The following XPC variants were observed in gnomAD, a reference collection of about 807,000 sequenced individuals.
The protein encoded by XPC is XPC complex subunit, DNA damage recognition and repair factor.
XPC carries 76 observed loss-of-function variants against 95.8 expected under a neutral mutation model. That is an observed-to-expected ratio of 0.79 (90% CI 0.66 to 0.96). The LOEUF is 0.96. Among genes scored for constraint, XPC ranks in the 40% least tolerant of loss-of-function variants. The pLI, the probability that XPC is intolerant of heterozygous loss-of-function variation, is 0.00. For missense variants in XPC, 1,146 were observed against 1,179.8 expected (o/e 0.97, Z 0.42); for synonymous variants, 442 against 442.1 (o/e 1.00, Z 0.00).
Position 14,148,723 on chromosome 3 carries a change from C to T in XPC, c.2259G>A (p.Arg753=). The T allele has an allele frequency of 1.2e-6, 2 of 1,614,004 alleles. No individual in the cohort carries two copies. Among genetic ancestry groups the T allele is most frequent in the East Asian group, 2.2e-5 (1 of 44,878 alleles). ...PPVAVDGKVP[R]NEFGNVYLFL... ...AGAGGTACACATTCCCAAACTCGTT[C>T]CGGGGCACCTGTGTCGGGTGAGCAA... The change falls in exon 13 of 16, where the codon CGG becomes CGA. Residue 753 remains arginine (R), a synonymous_variant. Coordinates refer to ENST00000285021, the MANE Select transcript of XPC (RefSeq NM_004628.5).
chr3:14,175,960 T>C (rs188065413), intron 1 of XPC, among the ~76,000 whole-genome samples: 1 of 152,306 alleles, frequency 6.6e-6, no homozygotes. Flanking sequence ...CTTGGGTGCA[T>C]CTTTACCTCC....
chr3:14,154,833 AATAT>A (rs1383275575), intron 10 of XPC, among the ~76,000 whole-genome samples: 2 of 23,274 alleles, frequency 8.6e-5, no homozygotes, highest in Non-Finnish European at 1.6e-4. Context: ...TATATATATA[AATAT>A]ATATAATTTA....
Position 14,170,519 on chromosome 3 carries a change from G to A in XPC, c.331C>T (p.His111Tyr). ...TTCATGGTAGCCCCTCTCTTCAGATGGTGTGCCTTCTTGAGGTCACTTGGA... is the reference window on the plus strand; with the variant it reads ...TTCATGGTAGCCCCTCTCTTCAGATAGTGTGCCTTCTTGAGGTCACTTGGA... ...DFPSDLKKAH[H>Y]LKRGATMNED... Residue 111 changes from histidine to tyrosine, a missense_variant, in exon 3 of 16, where the codon CAT (histidine) becomes TAT (tyrosine). Transcript: ENST00000285021. 1 of 1,613,292 alleles carries A rather than the reference G, an allele frequency of 6.2e-7. No individual in the cohort carries two copies. Among genetic ancestry groups the A allele is most frequent in the Non-Finnish European group, 8.5e-7 (1 of 1,179,510 alleles).
intron 15 of XPC, 36 bp from the exon 16 acceptor site, chr3:14,146,195 G>A: frequency 6.4e-7 from 1 of 1,564,592 alleles, no homozygotes; most frequent in African/African-American, 1.4e-5. Context: ...ACACAGGCGA[G>A]GGTTAGTAAT....
rs770882253 is a variant in XPC, at chr3:14,159,575, C to T, written c.990+166G>A. The stretch of plus-strand genomic sequence containing the variant: ...ACGTGAAGTTCAGGCTGCTAGATAC[C>T]CACTCACATGCCCAAGTCTTCCCTA... On this transcript the variant is annotated intron_variant, in intron 8 of 15. Coordinates refer to ENST00000285021, the MANE Select transcript of XPC (RefSeq NM_004628.5). Among the ~76,000 whole-genome samples the T allele has an allele frequency of 1.4e-3, 208 of 152,192 alleles. 1 individual carries two copies. Among genetic ancestry groups the T allele is most frequent in the Non-Finnish European group, 2.4e-3 (165 of 68,032 alleles).
chr3:14,156,266 C>A (rs1695899431), intron 10 of XPC, 69 bp downstream of exon 10: 7 of 1,540,982 alleles, frequency 4.5e-6, no homozygotes, highest in Non-Finnish European at 5.2e-6. Context: ...GCAACCCTTG[C>A]CTAGGAAGAA....
intron 13 of XPC, 171 bp from the exon 14 acceptor site, chr3:14,148,172 G>A (rs1695526332): frequency 3.2e-6 from 2 of 615,554 alleles, no homozygotes; most frequent in Non-Finnish European, 5.6e-6. Flanking sequence ...GCCTGTGGAA[G>A]CTGGCACTGC....
At chr3:14,178,311 G>A (rs1431366683) in intron 1 of XPC, 155 bp downstream of exon 1, 2 of 817,574 alleles carry the variant, frequency 2.4e-6, no homozygotes, top group South Asian at 2.0e-5. Context: ...GGGACAGCGG[G>A]GAGGGCCGGC....
At chr3:14,165,279 T>G (rs908562167) in intron 6 of XPC, 149 bp downstream of exon 6, 5 of 1,103,552 alleles carry the variant, frequency 4.5e-6, no homozygotes, top group Non-Finnish European at 5.0e-6. Flanking sequence ...AGATCATACC[T>G]GGCATTTCTC....
chr3:14,167,219 G>A lies in XPC; in HGVS notation c.571C>T (p.Arg191Trp), dbSNP rs754782134. Residue 191 changes from arginine (R) to tryptophan (W), a missense_variant, in exon 5 of 16, where the codon CGG (arginine) becomes TGG (tryptophan). Transcript: ENST00000285021. ...KIKLEFETYL[R>W]RAMKRFNKGV... ...TTATTGAAACGTTTCATCGCCCTCC[G>A]AAGATATGTCTCAAACTCCAGTTTT... 1.8e-5 allele frequency: 29 copies of A among 1,610,098 alleles called. No individual in the cohort carries two copies. Among genetic ancestry groups the A allele is most frequent in the East Asian group, 4.5e-5 (2 of 44,516 alleles).
Position 14,148,941 on chromosome 3 carries a change from T to G in XPC, c.2123A>C (p.Lys708Thr), listed in dbSNP as rs1175206892. The change falls in exon 12 of 16, where the codon AAA becomes ACA. Residue 708 changes from lysine (K) to threonine (T), a missense_variant. Transcript: ENST00000285021. Reference protein sequence around the residue: ...RLGEVPYKMVKGFSNRARKAR... With the variant: ...RLGEVPYKMVTGFSNRARKAR... ...TTTCCGAGCACGGTTAGAAAAGCCT[T>G]TCACCATCTGCACCAGAGGACACGG... is the stretch of plus-strand genomic sequence containing the variant. The G allele has an allele frequency of 2.5e-6, 4 of 1,613,826 alleles. No homozygotes were observed. The highest frequency in any genetic ancestry group is 3.4e-6 in the Non-Finnish European group (4 of 1,179,892).
rs1406745023 is a variant in XPC at position 14,148,606 on chromosome 3, C to T, written c.2376G>A (p.Gln792=). ...CATGGAAATCAAAGCCAGTGATGGC[C>T]TGGACACAGTCGATGTCCAGCTTGC... The part of the protein sequence containing the change: ...VARKLDIDCV[Q]AITGFDFHGG... The change falls in exon 13 of 16, where the codon CAG becomes CAA. Residue 792 remains glutamine, a synonymous_variant. Transcript: ENST00000285021. 1 of 1,613,928 alleles carries T rather than the reference C, an allele frequency of 6.2e-7. No individual in the cohort carries two copies. Among genetic ancestry groups the T allele is most frequent in the Non-Finnish European group, 8.5e-7 (1 of 1,179,910 alleles).
Position 14,158,092 on chromosome 3 carries a change from C to G in XPC, c.1791G>C (p.Arg597=), listed in dbSNP as rs760288886. ...PVWMTVTRKC[R]VDAEWWAETL... ...TCTCGGCCCACCACTCAGCATCAAC[C>G]CGGCACTTGCGGGTCACTGTCATCC... Residue 597 remains arginine (R), a synonymous_variant, in exon 9 of 16, where the codon CGG becomes CGC. Transcript: ENST00000285021. This position sits in a 1 kb window ranked among gnomAD's most constrained non-coding sequence, Gnocchi z 5.2. 1 of 1,613,982 alleles carries G rather than the reference C, an allele frequency of 6.2e-7. No homozygotes were observed. The highest frequency in any genetic ancestry group is 1.1e-5 in the South Asian group (1 of 91,074).
chr3:14,164,101 A>G lies in XPC; in HGVS notation c.900+712T>C, dbSNP rs568240060. 5.9e-5 allele frequency among the ~76,000 whole-genome samples: 9 copies of G among 152,348 alleles called. No homozygotes were observed. The East Asian group carries it at 1.7e-3, about 29-fold the overall frequency. On this transcript the variant is annotated intron_variant, in intron 7 of 15. Transcript: ENST00000285021. The stretch of plus-strand genomic sequence containing the variant: ...ATTGGCAGCACATTATAACATAATT[A>G]TCAGCCTTGCCAAATATCTTAGACT...
At chr3:14,156,249 C>T (rs140151722) in intron 10 of XPC, 86 bp downstream of exon 10, 159 of 1,508,962 alleles carry the variant, frequency 1.1e-4, no homozygotes, top group Middle Eastern at 7.0e-4. Flanking sequence ...CAGATGAGCT[C>T]CCATCAGCAA....
chr3:14,155,324 C>T (rs1355154083), intron 10 of XPC, among the ~76,000 whole-genome samples: 2 of 152,216 alleles, frequency 1.3e-5, no homozygotes, highest in East Asian at 3.8e-4. Context: ...AGAACATCTC[C>T]TATTTCTTGG....
At chr3:14,160,971 C>T (rs1574965221) in intron 7 of XPC, among the ~76,000 whole-genome samples, 1 of 152,176 alleles carries the variant, frequency 6.6e-6, no homozygotes, top group South Asian at 2.1e-4. Context: ...TGGAAACAGT[C>T]TAGTGCTACC....
chr3:14,146,071 C>T lies in XPC; in HGVS notation c.2693G>A (p.Arg898Lys). 6.2e-7 allele frequency: 1 copy of T among 1,612,672 alleles called. No homozygotes were observed. Among genetic ancestry groups the T allele is most frequent in the East Asian group, 2.2e-5 (1 of 44,820 alleles). Reference sequence around the variant, plus strand: ...TTGAGGCCAGGAGGCAGCCAGTATCCTGGCCGCTTCTGCTTGAGAGCTGGT... The same window carrying T: ...TTGAGGCCAGGAGGCAGCCAGTATCTTGGCCGCTTCTGCTTGAGAGCTGGT... ...EGTSSQAEAA[R>K]ILAASWPQNR... Residue 898 changes from arginine (R) to lysine (K), a missense_variant, in exon 16 of 16, where the codon AGG becomes AAG. Physicochemically the swap from Arg to Lys is conservative, Grantham distance 26. Transcript: ENST00000285021.
intron 14 of XPC, 124 bp downstream of exon 14, chr3:14,147,784 C>G (rs1351564064): frequency 1.4e-5 from 12 of 844,180 alleles, no homozygotes; most frequent in Non-Finnish European, 2.1e-5. Context: ...GGGTGCCTGC[C>G]ATGATGTCAG....
Sources: allele counts gnomAD v4.1 joint callset (sites outside exome capture counted in the v4.1 genomes callset), GRCh38; gene constraint gnomAD v4.1.1; non-coding constraint Gnocchi (gnomAD v3.1); transcripts MANE v1.5; gene names NCBI Gene and HGNC (gene_info 2026-07-23, HGNC 2026-07-21).